Variants in PPP2R3A observed in about 807,000 individuals in gnomAD.
PPP2R3A encodes the protein protein phosphatase 2 regulatory subunit B''alpha.
A neutral mutation model predicts 106.9 loss-of-function variants in PPP2R3A; 80 were observed. That is an observed-to-expected ratio of 0.75 (90% CI 0.62 to 0.90). The LOEUF (loss-of-function observed/expected upper bound fraction) is 0.90, where lower values mean the gene tolerates loss of function less well. Among genes scored for constraint, PPP2R3A ranks in the 40% least tolerant of loss-of-function variants. PPP2R3A has a pLI of 0.00. For missense variants in PPP2R3A, 1,386 were observed against 1,350.4 expected (o/e 1.03, Z -0.41); for synonymous variants, 483 against 468.3 (o/e 1.03, Z -0.41).
intron 3 of PPP2R3A, among the ~76,000 whole-genome samples, chr3:136,029,208 C>CA (rs1374454688): frequency 6.6e-6 from 1 of 152,176 alleles, no homozygotes; most frequent in Non-Finnish European, 1.5e-5. Flanking sequence ...GGTAAGCAGA[C>CA]AAAGAGAAAC....
chr3:136,115,093 C>T (rs1186906794), intron 13 of PPP2R3A, among the ~76,000 whole-genome samples: 1 of 152,208 alleles, frequency 6.6e-6, no homozygotes, highest in African/African-American at 2.4e-5. Context: ...CTTTGCTGTT[C>T]TGCAGCCTCC....
chr3:136,001,959 G>C lies in PPP2R3A; in HGVS notation c.461G>C (p.Arg154Thr). ...GTTAAGTCTGACTCATTTAATAGGA[G>C]GTCAGTTGATTTGGACTTGCTTTGT... Reference protein sequence around the residue: ...RKVKSDSFNRRSVDLDLLCGH... With the variant: ...RKVKSDSFNRTSVDLDLLCGH... The change falls in exon 2 of 14, where the codon AGG becomes ACG. Residue 154 changes from arginine (R) to threonine (T), a missense_variant. By Grantham distance (71) the Arg-to-Thr change is moderately conservative (BLOSUM62 -1). Transcript: ENST00000264977. 1 of 1,614,126 alleles carries C rather than the reference G, an allele frequency of 6.2e-7. No individual in the cohort carries two copies. Among genetic ancestry groups the C allele is most frequent in the South Asian group, 1.1e-5 (1 of 91,068 alleles).
chr3:136,013,448 T>G (rs1934161976), intron 2 of PPP2R3A, among the ~76,000 whole-genome samples: 2 of 152,114 alleles, frequency 1.3e-5, no homozygotes, highest in Non-Finnish European at 2.9e-5. Context: ...TCCAGATTGA[T>G]TGTACTAGTT....
chr3:135,997,308 C>T (rs1042730177), intron 1 of PPP2R3A, among the ~76,000 whole-genome samples: 4 of 152,158 alleles, frequency 2.6e-5, no homozygotes, highest in Non-Finnish European at 4.4e-5. Context: ...TAGTAACATC[C>T]AGTGCTAGTG....
intron 13 of PPP2R3A, among the ~76,000 whole-genome samples, chr3:136,112,487 A>G (rs1451795066): frequency 1.3e-5 from 2 of 152,214 alleles, no homozygotes. Flanking sequence ...ATTTCTATAC[A>G]CCAACAGCAT....
intron 2 of PPP2R3A, among the ~76,000 whole-genome samples, chr3:136,009,564 G>A (rs964970969): frequency 3.3e-5 from 5 of 152,086 alleles, no homozygotes; most frequent in African/African-American, 1.2e-4. Context: ...CTGGCCTTAT[G>A]TTTATGTCAG....
chr3:136,026,014 T>C (rs1934641508), intron 2 of PPP2R3A, among the ~76,000 whole-genome samples: 1 of 152,198 alleles, frequency 6.6e-6, no homozygotes, highest in Admixed American at 6.5e-5. Flanking sequence ...GCAATCTTAA[T>C]TTCCTCGTTG....
chr3:136,076,599 T>A (rs775795816), intron 6 of PPP2R3A, among the ~76,000 whole-genome samples: 2 of 152,158 alleles, frequency 1.3e-5, no homozygotes, highest in Non-Finnish European at 2.9e-5. Flanking sequence ...AAATCTTTGT[T>A]ATGTAACTTT....
In PPP2R3A at chr3:136,103,238, ATTTG is replaced by A. The variant is rs1937424150; in HGVS notation, c.3104-16_3104-13del. ...AACAGCTCTTGATGAAATTTACCAG[ATTTG>A]TTTATTTTTATGTAGGCAAAATAAC... On this transcript the variant is annotated splice_polypyrimidine_tract_variant and intron_variant, in intron 11 of 13. Coordinates refer to ENST00000264977, the MANE Select transcript of PPP2R3A (RefSeq NM_002718.5). 1 of 1,513,788 alleles carries A rather than the reference ATTTG, an allele frequency of 6.6e-7. No homozygotes were observed. The highest frequency in any genetic ancestry group is 1.4e-5 in the African/African-American group (1 of 71,724). The allele number at this position is 1,513,788 out of a possible 1,614,324, so 93.8% of individuals were successfully genotyped here. A position where few individuals can be genotyped will look rare whatever the true frequency, so the allele number is the denominator to read the frequency against.
intron 4 of PPP2R3A, among the ~76,000 whole-genome samples, chr3:136,043,077 A>C (rs533732638): frequency 5.5e-4 from 84 of 152,246 alleles, no homozygotes; most frequent in Non-Finnish European, 4.6e-4. Context: ...GAATTAAAAC[A>C]TTTTGGAAAA....
intron 12 of PPP2R3A, among the ~76,000 whole-genome samples, chr3:136,104,230 G>A (rs1369653149): frequency 1.3e-5 from 2 of 151,940 alleles, no homozygotes; most frequent in Non-Finnish European, 2.9e-5. Context: ...TTGCATTATC[G>A]CTGGCTTAAA....
intron 5 of PPP2R3A, among the ~76,000 whole-genome samples, chr3:136,053,378 A>T (rs1228078308): frequency 6.6e-6 from 1 of 152,208 alleles, no homozygotes; most frequent in East Asian, 1.9e-4. Flanking sequence ...AAGAAAAAAA[A>T]ATAAGTGACC....
At chr3:136,016,633 C>G (rs989103982) in intron 2 of PPP2R3A, among the ~76,000 whole-genome samples, 1 of 152,162 alleles carries the variant, frequency 6.6e-6, no homozygotes, top group African/African-American at 2.4e-5. Flanking sequence ...AATAGCTACT[C>G]CTGCTCACTT....
intron 13 of PPP2R3A, among the ~76,000 whole-genome samples, chr3:136,131,703 A>T (rs1173988639): frequency 6.6e-6 from 1 of 152,198 alleles, no homozygotes; most frequent in Non-Finnish European, 1.5e-5. Context: ...GCTTAGACAC[A>T]TACACACATA....
At chr3:136,122,450 A>C (rs1938032082) in intron 13 of PPP2R3A, among the ~76,000 whole-genome samples, 1 of 152,142 alleles carries the variant, frequency 6.6e-6, no homozygotes. Flanking sequence ...GCAAAAACCC[A>C]CATATATGAA....
At chr3:135,981,601 G>A (rs1937540151) in intron 1 of PPP2R3A, among the ~76,000 whole-genome samples, 1 of 151,680 alleles carries the variant, frequency 6.6e-6, no homozygotes, top group South Asian at 2.1e-4. Context: ...TATATACTAG[G>A]CACTGTTTTA....
chr3:136,145,483 C>G lies in PPP2R3A; in HGVS notation c.*317C>G, dbSNP rs772887731. 1 of 160,446 alleles carries G rather than the reference C, an allele frequency of 6.2e-6. No homozygotes were observed. Among genetic ancestry groups the G allele is most frequent in the African/African-American group, 2.4e-5 (1 of 41,592 alleles). 9.9% of individuals were successfully genotyped at this position (160,446 alleles called of 1,614,324 possible). Reference sequence around the variant, plus strand: ...CAAGCACGGTTCTCTACACAGGTGACTGAAGTTGCCTCTGTGTTGGCTGGC... The same window carrying G: ...CAAGCACGGTTCTCTACACAGGTGAGTGAAGTTGCCTCTGTGTTGGCTGGC... On this transcript the variant is annotated 3_prime_UTR_variant, in exon 14 of 14. Coordinates refer to ENST00000264977, the MANE Select transcript of PPP2R3A (RefSeq NM_002718.5).
chr3:135,989,351 GT>G (rs1315491393), intron 1 of PPP2R3A, among the ~76,000 whole-genome samples: 1 of 152,160 alleles, frequency 6.6e-6, no homozygotes, highest in Non-Finnish European at 1.5e-5. Context: ...GAAAGCTGTG[GT>G]TGTGAATGAT....
intron 2 of PPP2R3A, among the ~76,000 whole-genome samples, chr3:136,008,971 A>G (rs1424382002): frequency 6.6e-6 from 1 of 150,914 alleles, no homozygotes; most frequent in Non-Finnish European, 1.5e-5. Context: ...ATCACCCCCC[A>G]TCCCCCACCC....
Sources: allele counts gnomAD v4.1 joint callset (sites outside exome capture counted in the v4.1 genomes callset), GRCh38; gene constraint gnomAD v4.1.1; transcripts MANE v1.5; gene names NCBI Gene and HGNC (gene_info 2026-07-23, HGNC 2026-07-21).